Variants in TPRG1 observed in about 807,000 individuals in gnomAD.
TPRG1 encodes the protein tumor protein p63-regulated gene 1 protein.
A neutral mutation model predicts 29.3 loss-of-function variants in TPRG1; 29 were observed. The observed-to-expected ratio is 0.99, with a 90% CI of 0.74 to 1.35. The LOEUF (loss-of-function observed/expected upper bound fraction) is 1.35, where lower values mean the gene tolerates loss of function less well. Among genes scored for constraint, TPRG1 ranks in the 40% most tolerant of loss-of-function variants. The probability of loss-of-function intolerance (pLI) is 0.00; values close to 1 mark genes in which losing one functional copy is unlikely to be tolerated. For synonymous variants in TPRG1, 130 were observed against 116.8 expected (o/e 1.11, Z -0.73); for missense variants, 327 against 335.0 (o/e 0.98, Z 0.19).
chr3:189,105,641 T>G (rs1169864157), intron 1 of TPRG1, among the ~76,000 whole-genome samples: 4 of 152,114 alleles, frequency 2.6e-5, no homozygotes, highest in African/African-American at 9.7e-5. Context: ...ACTGCTGGTT[T>G]TGAGTCTACT....
At position 189,321,388 on chromosome 3, in the gene TPRG1, A is replaced by G. The variant is rs1408797391; in HGVS notation, c.*568A>G. ...GCATTATCAAAATCCTGTGGTATTT[A>G]TATGGTCCCAGTTATCCATCCCTGA... On this transcript the variant is annotated 3_prime_UTR_variant, in exon 6 of 6. Transcript: ENST00000345063. 6.6e-6 allele frequency: 1 copy of G among 152,090 alleles called. No homozygotes were observed. The highest frequency in any genetic ancestry group is 2.4e-5 in the African/African-American group (1 of 41,420). 9.4% of individuals were successfully genotyped at this position (152,090 alleles called of 1,614,324 possible).
chr3:189,014,489 G>A (rs1359567150), intron 3 of TPRG1, among the ~76,000 whole-genome samples: 1 of 151,948 alleles, frequency 6.6e-6, no homozygotes, highest in African/African-American at 2.4e-5. Context: ...TGTGTCTTGG[G>A]GTAATCTTCT....
chr3:189,045,139 C>T (rs984188867), intron 4 of TPRG1, among the ~76,000 whole-genome samples: 1 of 152,112 alleles, frequency 6.6e-6, no homozygotes, highest in Admixed American at 6.6e-5. Context: ...AATCAATGCT[C>T]ATATATATTT....
intron 4 of TPRG1, among the ~76,000 whole-genome samples, chr3:189,297,738 T>C (rs1720193361): frequency 6.6e-6 from 1 of 152,192 alleles, no homozygotes; most frequent in Admixed American, 6.5e-5. Flanking sequence ...GTGCGAGTTT[T>C]TCCAATGGGG....
chr3:189,040,395 C>T (rs528799802), intron 4 of TPRG1, among the ~76,000 whole-genome samples: 1 of 152,212 alleles, frequency 6.6e-6, no homozygotes, highest in East Asian at 1.9e-4. Flanking sequence ...TTTTGGTTGC[C>T]AAAATGTTTG....
Position 189,004,692 on chromosome 3 carries a change from T to C in TPRG1, c.-728T>C, listed in dbSNP as rs555972588. 4 of 152,226 alleles carry C rather than the reference T, an allele frequency of 2.6e-5. No homozygotes were observed. The East Asian group carries it at 7.7e-4, about 29-fold the overall frequency. 9.4% of individuals were successfully genotyped at this position (152,226 alleles called of 1,614,324 possible). A position where few individuals can be genotyped will look rare whatever the true frequency, so the allele number is the denominator to read the frequency against. ...CCTTTTTGAGACAGCTGGAAAAGAT[T>C]CTTTCTCCTTTTCTAGCAATTACTT... On this transcript the variant is annotated 5_prime_UTR_variant, in exon 3 of 11. Coordinates refer to the TPRG1 transcript ENST00000433971.
chr3:189,213,943 G>A (rs138257054), intron 2 of TPRG1, among the ~76,000 whole-genome samples: 239 of 151,902 alleles, frequency 1.6e-3, no homozygotes, highest in African/African-American at 5.3e-3. Flanking sequence ...AGATGTTTGC[G>A]GTTTTTTTCC....
chr3:189,106,059 A>G (rs2378465), intron 1 of TPRG1, among the ~76,000 whole-genome samples: 54,601 of 152,030 alleles, frequency 0.36, 11,705 homozygotes, highest in African/African-American at 0.57. Context: ...AAATTCAACA[A>G]CAACAACAAC....
chr3:189,214,616 A>G (rs932068892), intron 2 of TPRG1, among the ~76,000 whole-genome samples: 4 of 152,146 alleles, frequency 2.6e-5, no homozygotes, highest in African/African-American at 9.7e-5. Context: ...TAGAAATGCA[A>G]ATTCTCAGGT....
At chr3:189,256,317 G>C (rs2109020305) in intron 4 of TPRG1, among the ~76,000 whole-genome samples, 1 of 152,240 alleles carries the variant, frequency 6.6e-6, no homozygotes, top group African/African-American at 2.4e-5. Context: ...ATGTAGTTGT[G>C]CAGTTTTGAG....
chr3:189,084,337 G>T (rs900637232), intron 4 of TPRG1, among the ~76,000 whole-genome samples: 1 of 152,062 alleles, frequency 6.6e-6, no homozygotes, highest in Non-Finnish European at 1.5e-5. Context: ...TTGTCAAGGG[G>T]TCTTACTGAA....
At chr3:189,284,249 G>C (rs572532805) in intron 4 of TPRG1, among the ~76,000 whole-genome samples, 1 of 149,458 alleles carries the variant, frequency 6.7e-6, no homozygotes, top group South Asian at 2.1e-4. Context: ...TGTGCACAAC[G>C]TGCAGGTTAG....
At chr3:189,264,652 G>A (rs778214713) in intron 4 of TPRG1, among the ~76,000 whole-genome samples, 21 of 152,084 alleles carry the variant, frequency 1.4e-4, no homozygotes, top group Non-Finnish European at 2.4e-4. Context: ...TTCCAATGAA[G>A]TGTTCATTTC....
Position 189,318,345 on chromosome 3 carries a change from A to C in TPRG1, c.634-2281A>C, listed in dbSNP as rs139773636. 2.9e-4 allele frequency among the ~76,000 whole-genome samples: 44 copies of C among 152,256 alleles called. No individual in the cohort carries two copies. The East Asian group carries it at 7.3e-3, about 25-fold the overall frequency. ...AAAACCAGATGAAATATTTGAGTGG[A>C]GGTATAGGTATAGGAAACACATAAG... On this transcript the variant is annotated intron_variant, in intron 5 of 5. Transcript: ENST00000345063.
intron 1 of TPRG1, among the ~76,000 whole-genome samples, chr3:189,100,974 A>C (rs1719129758): frequency 6.6e-6 from 1 of 152,210 alleles, no homozygotes; most frequent in Non-Finnish European, 1.5e-5. Flanking sequence ...CTAGCATCAA[A>C]ACAACTTTAT....
chr3:189,203,611 T>G (rs180936174), intron 1 of TPRG1, among the ~76,000 whole-genome samples: 2 of 152,362 alleles, frequency 1.3e-5, no homozygotes, highest in Admixed American at 1.3e-4. Context: ...ACTTAGCCAT[T>G]CCTTGAACAT....
chr3:189,121,997 T>C (rs972950119), intron 1 of TPRG1: 2 of 151,962 alleles, frequency 1.3e-5, no homozygotes, highest in East Asian at 1.9e-4. Context: ...TTATATACAA[T>C]TTATGTTTGT....
At chr3:189,252,444 G>A (rs1009401306) in intron 4 of TPRG1, among the ~76,000 whole-genome samples, 48 of 152,022 alleles carry the variant, frequency 3.2e-4, no homozygotes, top group South Asian at 2.1e-4. Flanking sequence ...TGTTATTGTC[G>A]CTTTTCTGAA....
intron 4 of TPRG1, among the ~76,000 whole-genome samples, chr3:189,251,108 C>A (rs1579041125): frequency 6.6e-6 from 1 of 151,834 alleles, no homozygotes; most frequent in African/African-American, 2.4e-5. Context: ...TCCTTACCTA[C>A]AGTTGTTTTG....
Sources: gnomAD v4.1 joint callset for allele counts (sites outside exome capture counted in the v4.1 genomes callset) on GRCh38, gnomAD v4.1.1 for gene constraint, MANE v1.5 for transcripts, NCBI Gene and HGNC (gene_info 2026-07-23, HGNC 2026-07-21) for gene names.